The following PYCR1 variants were observed in gnomAD, a reference collection of about 807,000 sequenced individuals.
PYCR1 encodes the protein pyrroline-5-carboxylate reductase 1, mitochondrial.
PYCR1 carries 19 observed loss-of-function variants against 22.9 expected under a neutral mutation model. The observed-to-expected ratio is 0.83, with a 90% confidence interval of 0.58 to 1.22. The LOEUF (loss-of-function observed/expected upper bound fraction) is 1.22, where lower values mean the gene tolerates loss of function less well. PYCR1 is among the 50% of genes most tolerant of loss of function. The pLI, the probability that PYCR1 is intolerant of heterozygous loss-of-function variation, is 0.00. For missense variants in PYCR1, 429 were observed against 431.3 expected (o/e 0.99, Z 0.05); for synonymous variants, 175 against 180.5 (o/e 0.97, Z 0.24).
Position 81,936,846 on chromosome 17 carries a change from A to G in PYCR1, c.-32T>C. On this transcript the variant is annotated 5_prime_UTR_variant, in exon 1 of 7. Transcript: ENST00000329875. ...CGGAGACCCCTGGCCCAAAGCCCCC[A>G]CAGATGGCACCGGCTCTGCGGGACG... The G allele has an allele frequency of 1.3e-6, 2 of 1,595,160 alleles. No individual in the cohort carries two copies. The highest frequency in any genetic ancestry group is 1.8e-4 in the Middle Eastern group (1 of 5,502).
In PYCR1 at chr17:81,936,763, C is replaced by A. The variant is rs765824328; in HGVS notation, c.52G>T (p.Gly18Cys). ...AGQLAFALAKGFTAAGVLAAH... is the reference protein window; with the variant it reads ...AGQLAFALAKCFTAAGVLAAH... ...GGGGGCCTACCTGCTGCTGTGAAGCCCTTGGCCAGGGCAAAAGCCAGCTGG... is the reference window on the plus strand; with the variant it reads ...GGGGGCCTACCTGCTGCTGTGAAGCACTTGGCCAGGGCAAAAGCCAGCTGG... The change falls in exon 1 of 7, where the codon GGC becomes TGC. Residue 18 changes from glycine to cysteine, a missense_variant. Coordinates refer to ENST00000329875, the MANE Select transcript of PYCR1 (RefSeq NM_006907.4). 1.2e-6 allele frequency: 2 copies of A among 1,609,640 alleles called. No individual in the cohort carries two copies. The highest frequency in any genetic ancestry group is 1.7e-6 in the Non-Finnish European group (2 of 1,178,818).
At position 81,935,024 on chromosome 17, in the gene PYCR1, G is replaced by A. The variant is rs779400255; in HGVS notation, c.442C>T (p.Leu148Phe). 2 of 1,610,340 alleles carry A rather than the reference G, an allele frequency of 1.2e-6. No homozygotes were observed. ...ACGCTGCTCAGCAGCTGCTCCATGA[G>A]CCTCCCGTCCTCCACCTGGGCGTGC... ...GTHAQVEDGR[L>F]MEQLLSSVGF... The change falls in exon 4 of 7, where the codon CTC (leucine) becomes TTC (phenylalanine). Residue 148 changes from leucine (L) to phenylalanine (F), a missense_variant. Leu to Phe is a conservative substitution (Grantham distance 22). Transcript: ENST00000329875.
chr17:81,936,728 TC>T lies in PYCR1; in HGVS notation c.67+19del, dbSNP rs771647093. 11 of 1,595,306 alleles carry T rather than the reference TC, an allele frequency of 6.9e-6. No individual in the cohort carries two copies. Among genetic ancestry groups the T allele is most frequent in the African/African-American group, 1.3e-5 (1 of 74,716 alleles). ...CAGTCTCTCCCACTGGGCCTCACCGTCCCCCACCTGGGGGCCTACCTGCTGC... is the reference window on the plus strand; with the variant it reads ...CAGTCTCTCCCACTGGGCCTCACCGTCCCCACCTGGGGGCCTACCTGCTGC... On this transcript the variant is annotated intron_variant, in intron 1 of 6. Coordinates refer to ENST00000329875, the MANE Select transcript of PYCR1 (RefSeq NM_006907.4).
chr17:81,932,638 G>A lies in PYCR1; in HGVS notation c.*576C>T. 2 of 581,592 alleles carry A rather than the reference G, an allele frequency of 3.4e-6. No individual in the cohort carries two copies. The highest frequency in any genetic ancestry group is 6.1e-6 in the Non-Finnish European group (2 of 328,572). 36.0% of individuals were successfully genotyped at this position (581,592 alleles called of 1,614,324 possible). The stretch of plus-strand genomic sequence containing the variant: ...AGGGAGGTCAGGAGCAGGAGGTGGT[G>A]GCCACAGAAGTTCACCAGCAGCCCA... On this transcript the variant is annotated 3_prime_UTR_variant, in exon 7 of 7. Coordinates refer to ENST00000329875, the MANE Select transcript of PYCR1 (RefSeq NM_006907.4).
intron 6 of PYCR1, among the ~76,000 whole-genome samples, chr17:81,934,063 T>G (rs2041077673): frequency 6.6e-6 from 1 of 152,186 alleles, no homozygotes; most frequent in Non-Finnish European, 1.5e-5. Flanking sequence ...CTCCTAGCTA[T>G]GACAATGGTG....
intron 6 of PYCR1, chr17:81,934,103 T>C (rs2041079199): frequency 1.5e-6 from 1 of 646,156 alleles, no homozygotes; most frequent in South Asian, 1.7e-5. Context: ...GGGCACAGCA[T>C]CCGGGTCCCT....
chr17:81,933,347 T>G lies in PYCR1; in HGVS notation c.827A>C (p.Gln276Pro). Residue 276 changes from glutamine (Q) to proline (P), a missense_variant, in exon 7 of 7, where the codon CAG becomes CCG. Coordinates refer to ENST00000329875, the MANE Select transcript of PYCR1 (RefSeq NM_006907.4). The part of the protein sequence containing the change: ...RELQSMADQE[Q>P]VSPAAIKKTI... ...CTTCTTGATGGCGGCTGGTGACACC[T>G]GCTCCTGGTCAGCCATGGACTGCAG... is the stretch of plus-strand genomic sequence containing the variant. The G allele has an allele frequency of 6.2e-7, 1 of 1,613,864 alleles. No individual in the cohort carries two copies. The highest frequency in any genetic ancestry group is 8.5e-7 in the Non-Finnish European group (1 of 1,179,994).
rs2041205413 is a variant in PYCR1 at position 81,936,704 on chromosome 17, A to G, written c.67+44T>C. ...AGCCCTGCAGAAGTGGAAAGAGGCC[A>G]GTCTCTCCCACTGGGCCTCACCGTC... On this transcript the variant is annotated intron_variant, in intron 1 of 6. Coordinates refer to ENST00000329875, the MANE Select transcript of PYCR1 (RefSeq NM_006907.4). The G allele has an allele frequency of 1.9e-6, 3 of 1,557,976 alleles. No individual in the cohort carries two copies. In the African/African-American group the frequency reaches 4.1e-5, roughly 21 times the overall value.
Position 81,933,070 on chromosome 17 carries a change from G to A in PYCR1, c.*144C>T. 2 of 1,582,438 alleles carry A rather than the reference G, an allele frequency of 1.3e-6. No homozygotes were observed. The highest frequency in any genetic ancestry group is 8.5e-7 in the Non-Finnish European group (1 of 1,170,014). ...ACCACAGAGATTTCCAGTGGGAAGTGATGTGGCCCCTCCCTGGCTATGTCC... is the reference window on the plus strand; with the variant it reads ...ACCACAGAGATTTCCAGTGGGAAGTAATGTGGCCCCTCCCTGGCTATGTCC... On this transcript the variant is annotated 3_prime_UTR_variant, in exon 7 of 7. Transcript: ENST00000329875.
intron 2 of PYCR1, 107 bp from the exon 3 acceptor site, chr17:81,935,623 TG>T: frequency 2.0e-6 from 1 of 511,668 alleles, no homozygotes; most frequent in African/African-American, 2.0e-5. Flanking sequence ...GAGTTGGGGG[TG>T]GGCAGGGCTG....
Position 81,934,587 on chromosome 17 carries a change from C to T in PYCR1, c.633+66G>A, listed in dbSNP as rs2041111577. The T allele has an allele frequency of 2.6e-6, 4 of 1,549,042 alleles. No individual in the cohort carries two copies. The Admixed American group carries it at 7.8e-5, about 30-fold the overall frequency. On this transcript the variant is annotated intron_variant, in intron 5 of 6. Transcript: ENST00000329875. Reference sequence around the variant, plus strand: ...GCACACACTGACGCCCCACTTGGCTCCTCCCAGTGAAGCCCCAGGGCCCCG... The same window carrying T: ...GCACACACTGACGCCCCACTTGGCTTCTCCCAGTGAAGCCCCAGGGCCCCG...
rs763349891 is a variant in PYCR1, at chr17:81,934,727, C to T, written c.559G>A (p.Ala187Thr). Residue 187 changes from alanine (A) to threonine (T), a missense_variant, in exon 5 of 7, where the codon GCC becomes ACC. Physicochemically the swap from Ala to Thr is moderately conservative, Grantham distance 58. Transcript: ENST00000329875. ...ATCTTCACACCCCCATCAGCCAGGGCATCCAGGGCTGTGAATGCCTGTGGG... is the reference window on the plus strand; with the variant it reads ...ATCTTCACACCCCCATCAGCCAGGGTATCCAGGGCTGTGAATGCCTGTGGG... ...GPAYAFTALD[A>T]LADGGVKMGL... is the part of the protein sequence containing the mutation. The T allele has an allele frequency of 4.5e-6, 7 of 1,560,722 alleles. No homozygotes were observed. The East Asian group carries it at 1.2e-4, about 27-fold the overall frequency.
At chr17:81,935,618 G>A (rs1177034552) in intron 2 of PYCR1, 102 bp from the exon 3 acceptor site, 3 of 1,036,006 alleles carry the variant, frequency 2.9e-6, no homozygotes, top group Non-Finnish European at 4.2e-6. Flanking sequence ...TGCTGGAGTT[G>A]GGGGTGGGCA....
intron 1 of PYCR1, 100 bp downstream of exon 1, chr17:81,936,648 C>G: frequency 7.5e-7 from 1 of 1,330,004 alleles, no homozygotes; most frequent in Non-Finnish European, 1.1e-6. Context: ...AGGACTCAGG[C>G]CTTGTGACCC....
At chr17:81,933,684 G>A (rs1247049735) in intron 6 of PYCR1, among the ~76,000 whole-genome samples, 2 of 152,172 alleles carry the variant, frequency 1.3e-5, no homozygotes, top group Non-Finnish European at 2.9e-5. Context: ...CAGGCCCCTC[G>A]TGTTCCCCTC....
At chr17:81,935,573 A>G (rs2041164599) in intron 2 of PYCR1, 57 bp from the exon 3 acceptor site, 23 of 1,306,538 alleles carry the variant, frequency 1.8e-5, no homozygotes, top group Non-Finnish European at 2.2e-5. Context: ...ACCCCCACCA[A>G]GCCAAGAGCC....
intron 5 of PYCR1, 43 bp from the exon 6 acceptor site, chr17:81,934,532 C>T (rs1459554455): frequency 6.4e-6 from 10 of 1,564,402 alleles, no homozygotes; most frequent in Non-Finnish European, 8.7e-6. Context: ...CACGCACCTG[C>T]CTCTGCGGGG....
Position 81,936,768 on chromosome 17 carries a change from G to C in PYCR1, c.47C>G (p.Ala16Gly), listed in dbSNP as rs1005701798. The change falls in exon 1 of 7, where the codon GCC (alanine) becomes GGC (glycine). Residue 16 changes from alanine to glycine, a missense_variant. Transcript: ENST00000329875. ...IGAGQLAFAL[A>G]KGFTAAGVLA... ...CCTACCTGCTGCTGTGAAGCCCTTGGCCAGGGCAAAAGCCAGCTGGCCAGC... is the reference window on the plus strand; with the variant it reads ...CCTACCTGCTGCTGTGAAGCCCTTGCCCAGGGCAAAAGCCAGCTGGCCAGC... 1 of 1,610,048 alleles carries C rather than the reference G, an allele frequency of 6.2e-7. No homozygotes were observed. Among genetic ancestry groups the C allele is most frequent in the East Asian group, 2.2e-5 (1 of 44,794 alleles).
intron 2 of PYCR1, 51 bp downstream of exon 2, chr17:81,936,072 A>G: frequency 6.3e-7 from 1 of 1,597,316 alleles, no homozygotes. Flanking sequence ...TGCCTCTCAC[A>G]CCCAGCCCCA....
Sources: gnomAD v4.1 joint callset for allele counts (sites outside exome capture counted in the v4.1 genomes callset) on GRCh38, gnomAD v4.1.1 for gene constraint, MANE v1.5 for transcripts, NCBI Gene and HGNC (gene_info 2026-07-23, HGNC 2026-07-21) for gene names.